The following SLC17A3 variants were observed in gnomAD, a reference collection of about 807,000 sequenced individuals.
SLC17A3 encodes solute carrier family 17 member 3, also known as sodium-dependent phosphate transport protein 4.
SLC17A3 carries 61 observed loss-of-function variants against 60.3 expected under a neutral mutation model. The ratio of observed to expected loss-of-function variants is 1.01; its 90% CI spans 0.82 to 1.25. The LOEUF is 1.25. Among genes scored for constraint, SLC17A3 ranks in the 50% most tolerant of loss-of-function variants. The pLI is 0.00. For missense variants in SLC17A3, 624 were observed against 594.9 expected, an observed-to-expected ratio of 1.05 and a Z score of -0.51; for synonymous variants, 192 against 208.9, an observed-to-expected ratio of 0.92 and a Z score of 0.70.
At chr6:25,868,216 C>T in intron 2 of SLC17A3, 81 bp downstream of exon 2, 2 of 1,039,406 alleles carry the variant, frequency 1.9e-6, no homozygotes, top group Non-Finnish European at 3.0e-6. Context: ...TTAAAAATCA[C>T]AAATTCATTT....
chr6:25,858,512 C>T (rs1426137967), intron 5 of SLC17A3, among the ~76,000 whole-genome samples: 2 of 152,178 alleles, frequency 1.3e-5, no homozygotes, highest in Non-Finnish European at 2.9e-5. Context: ...CCCACTGCCT[C>T]ATGGGAAGCT....
At chr6:25,849,506 T>C (rs2151518978) in intron 10 of SLC17A3, 42 bp from the exon 11 acceptor site, 2 of 1,220,740 alleles carry the variant, frequency 1.6e-6, no homozygotes, top group South Asian at 2.4e-5. Flanking sequence ...CCAGAGATGT[T>C]TGACAGTATC....
intron 2 of SLC17A3, among the ~76,000 whole-genome samples, chr6:25,863,295 G>GTC (rs1254412924): frequency 6.6e-6 from 1 of 152,076 alleles, no homozygotes; most frequent in Non-Finnish European, 1.5e-5. Context: ...CAAAGGTTAG[G>GTC]TCTCTACTCA....
chr6:25,862,352 T>C lies in SLC17A3; in HGVS notation c.184A>G (p.Thr62Ala), dbSNP rs1165034815. 5 of 1,613,606 alleles carry C rather than the reference T, an allele frequency of 3.1e-6. No homozygotes were observed. The highest frequency in any genetic ancestry group is 3.4e-6 in the Non-Finnish European group (4 of 1,179,742). ...TIAQNVIMNI[T>A]MVAMVNSTSP... ...GTGCTGTTGACCATGGCTACCATGGTGATGTTCATGATGACATTTTGTGCT... is the reference window on the plus strand; with the variant it reads ...GTGCTGTTGACCATGGCTACCATGGCGATGTTCATGATGACATTTTGTGCT... The change falls in exon 3 of 13, where the codon ACC becomes GCC. Residue 62 changes from threonine (T) to alanine (A), a missense_variant. Coordinates refer to ENST00000397060, the MANE Select transcript of SLC17A3 (RefSeq NM_001098486.2).
At chr6:25,846,745 G>C (rs879776186) in intron 11 of SLC17A3, among the ~76,000 whole-genome samples, 5 of 152,022 alleles carry the variant, frequency 3.3e-5, no homozygotes, top group Non-Finnish European at 5.9e-5. Flanking sequence ...CGAGTAGCTG[G>C]GACTACAGGT....
At position 25,864,422 on chromosome 6, in the gene SLC17A3, T is replaced by A. The variant is rs146295892; in HGVS notation, c.92-1978A>T. 9.9e-5 allele frequency among the ~76,000 whole-genome samples: 15 copies of A among 152,028 alleles called. No individual in the cohort carries two copies. In the East Asian group the frequency reaches 2.9e-3, roughly 29 times the overall value. On this transcript the variant is annotated intron_variant, in intron 2 of 12. Transcript: ENST00000397060. ...ACAGTTAGGAAGCTATTGCAATAAT[T>A]CAGAAGAGAAGTGAAGCTATCTTGG...
chr6:25,871,327 A>C, intron 1 of SLC17A3, among the ~76,000 whole-genome samples: 1 of 152,046 alleles, frequency 6.6e-6, no homozygotes, highest in Non-Finnish European at 1.5e-5. Context: ...TGATGAGTTC[A>C]TGTCCTTTGT....
At chr6:25,850,310 A>G in intron 8 of SLC17A3, 133 bp from the exon 9 acceptor site, 1 of 1,320,814 alleles carries the variant, frequency 7.6e-7, no homozygotes, top group Non-Finnish European at 1.1e-6. Flanking sequence ...CTCTTAAATC[A>G]TACCCCAGAA....
intron 6 of SLC17A3, among the ~76,000 whole-genome samples, chr6:25,852,608 C>A (rs915393688): frequency 3.3e-5 from 5 of 151,844 alleles, no homozygotes; most frequent in African/African-American, 1.2e-4. Context: ...GTCATTAACT[C>A]CATTCAGTGC....
chr6:25,847,571 TTTG>T (rs1206539891), intron 11 of SLC17A3, among the ~76,000 whole-genome samples: 9 of 152,142 alleles, frequency 5.9e-5, no homozygotes, highest in Non-Finnish European at 1.3e-4. Flanking sequence ...CTCTCCAGCA[TTTG>T]TTATTTTTTG....
Position 25,859,736 on chromosome 6 carries a change from A to T in SLC17A3, c.625+1888T>A, listed in dbSNP as rs114050961. On this transcript the variant is annotated intron_variant, in intron 5 of 12. Transcript: ENST00000397060. ...TCTCAGAACCACACCATCAGTGGTA[A>T]GGCTGGTGCAGCAGAAAGACAGAGA... 8.9e-3 allele frequency among the ~76,000 whole-genome samples: 1,359 copies of T among 152,302 alleles called. 20 individuals carry two copies. The highest frequency in any genetic ancestry group is 0.03 in the African/African-American group (1,239 of 41,558).
At chr6:25,858,456 C>T (rs1241392464) in intron 5 of SLC17A3, among the ~76,000 whole-genome samples, 1 of 152,172 alleles carries the variant, frequency 6.6e-6, no homozygotes, top group Non-Finnish European at 1.5e-5. Flanking sequence ...TGGCCTCTGA[C>T]TGACTGTTGT....
intron 6 of SLC17A3, among the ~76,000 whole-genome samples, chr6:25,852,131 G>GT (rs1253460465): frequency 6.6e-6 from 1 of 151,280 alleles, no homozygotes; most frequent in African/African-American, 2.4e-5. Flanking sequence ...GTTTCGGTTT[G>GT]TTTTTTTGCA....
At chr6:25,859,023 A>ATTCAT (rs1765404825) in intron 5 of SLC17A3, among the ~76,000 whole-genome samples, 1 of 152,228 alleles carries the variant, frequency 6.6e-6, no homozygotes, top group African/African-American at 2.4e-5. Context: ...ATATGAGAAT[A>ATTCAT]TTCATTTCTA....
At position 25,855,065 on chromosome 6, in the gene SLC17A3, A is replaced by T. The variant is rs976596707; in HGVS notation, c.712+79T>A. 1.9e-5 allele frequency: 18 copies of T among 946,856 alleles called. No homozygotes were observed. In the Admixed American group the frequency reaches 3.0e-4, roughly 16 times the overall value. 58.7% of individuals were successfully genotyped at this position (946,856 alleles called of 1,614,324 possible). On this transcript the variant is annotated intron_variant, in intron 6 of 12. Transcript: ENST00000397060. ...ATCTGTCTTGACTCATTTCCTTTGG[A>T]AAACTATACACAAAATATACTTACT...
intron 1 of SLC17A3, among the ~76,000 whole-genome samples, chr6:25,872,188 C>T (rs536886564): frequency 6.6e-6 from 1 of 151,844 alleles, no homozygotes; most frequent in East Asian, 1.9e-4. Flanking sequence ...GTAAGCTCCA[C>T]TCTTGAGGTT....
At chr6:25,845,335 G>C (rs1333737086) in intron 12 of SLC17A3, 37 bp from the exon 13 acceptor site, 1 of 1,610,628 alleles carries the variant, frequency 6.2e-7, no homozygotes, top group Non-Finnish European at 8.5e-7. Flanking sequence ...TAAAACTTCA[G>C]CTGCTTCTAT....
At chr6:25,867,330 C>T (rs1292018665) in intron 2 of SLC17A3, among the ~76,000 whole-genome samples, 1 of 151,852 alleles carries the variant, frequency 6.6e-6, no homozygotes, top group Non-Finnish European at 1.5e-5. Flanking sequence ...GTATTCTCAC[C>T]ATACCATGAA....
In SLC17A3 at chr6:25,859,095, G is replaced by A. The variant is rs140872873; in HGVS notation, c.625+2529C>T. 6.2e-4 allele frequency among the ~76,000 whole-genome samples: 95 copies of A among 152,236 alleles called. 1 individual carries two copies. The highest frequency in any genetic ancestry group is 2.1e-3 in the African/African-American group (89 of 41,534). On this transcript the variant is annotated intron_variant, in intron 5 of 12. Transcript: ENST00000397060. ...AGTCAAATATCATAAGATGTGTTGGGTATTGATTATAACAAAGTCAGTAAT... is the reference window on the plus strand; with the variant it reads ...AGTCAAATATCATAAGATGTGTTGGATATTGATTATAACAAAGTCAGTAAT...
Sources: gnomAD v4.1 joint callset for allele counts (sites outside exome capture counted in the v4.1 genomes callset) on GRCh38, gnomAD v4.1.1 for gene constraint, MANE v1.5 for transcripts, NCBI Gene and HGNC (gene_info 2026-07-23, HGNC 2026-07-21) for gene names.